Variants in CCSER1 observed in about 807,000 individuals in gnomAD.
CCSER1 encodes serine-rich coiled-coil domain-containing protein 1.
In CCSER1, 41 loss-of-function variants were observed where a neutral mutation model predicts 82.0. The observed-to-expected ratio is 0.50, with a 90% CI of 0.39 to 0.65. The LOEUF is 0.65. CCSER1 is among the 30% of genes least tolerant of loss of function. The probability of loss-of-function intolerance (pLI) is 0.00; values close to 1 mark genes in which losing one functional copy is unlikely to be tolerated. For synonymous variants in CCSER1, 414 were observed against 383.9 expected (o/e 1.08, Z -0.92); for missense variants, 1,119 against 1,064.2 (o/e 1.05, Z -0.72).
chr4:91,528,874 T>C (rs1172910376), intron 10 of CCSER1, among the ~76,000 whole-genome samples: 1 of 152,172 alleles, frequency 6.6e-6, no homozygotes, highest in East Asian at 1.9e-4. Flanking sequence ...GGGTATAAAA[T>C]ACTACATACA....
chr4:91,093,621 C>G (rs1405735852), intron 10 of CCSER1, among the ~76,000 whole-genome samples: 1 of 152,224 alleles, frequency 6.6e-6, no homozygotes, highest in Non-Finnish European at 1.5e-5. Flanking sequence ...GAAGCTCCGT[C>G]TAGCTGTTTT....
At chr4:90,482,794 A>C (rs185193284) in intron 5 of CCSER1, among the ~76,000 whole-genome samples, 2,191 of 152,270 alleles carry the variant, frequency 0.014, 32 homozygotes, top group African/African-American at 0.043. Context: ...ACTTCCAAGT[A>C]TGTGGTCAGT....
intron 10 of CCSER1, among the ~76,000 whole-genome samples, chr4:91,139,956 A>T (rs1257510751): frequency 1.3e-5 from 2 of 152,174 alleles, no homozygotes; most frequent in African/African-American, 4.8e-5. Context: ...ACTGAGGAGA[A>T]ATTACATGTA....
intron 10 of CCSER1, among the ~76,000 whole-genome samples, chr4:91,274,848 G>A (rs1742293416): frequency 6.6e-6 from 1 of 152,166 alleles, no homozygotes; most frequent in African/African-American, 2.4e-5. Context: ...GCTCATGCCT[G>A]TAATCCCAGC....
At chr4:91,247,726 G>T (rs1023199192) in intron 10 of CCSER1, among the ~76,000 whole-genome samples, 1 of 152,098 alleles carries the variant, frequency 6.6e-6, no homozygotes, top group Admixed American at 6.6e-5. Context: ...AAAATTAGCC[G>T]GGTGTGGTGG....
chr4:90,930,922 A>ATG (rs1729685878), intron 9 of CCSER1, among the ~76,000 whole-genome samples: 1 of 132,684 alleles, frequency 7.5e-6, no homozygotes, highest in Admixed American at 7.7e-5. Context: ...ATATATATAT[A>ATG]TATATATATA....
At chr4:91,471,955 G>C (rs1757297183) in intron 10 of CCSER1, among the ~76,000 whole-genome samples, 1 of 116,704 alleles carries the variant, frequency 8.6e-6, no homozygotes, top group South Asian at 2.7e-4. Context: ...GGGCGACAGA[G>C]CGACACTCCA....
At position 90,312,927 on chromosome 4, in the gene CCSER1, G is replaced by A. The variant is rs767953601; in HGVS notation, c.1389G>A (p.Ser463=). 5.0e-6 allele frequency: 8 copies of A among 1,587,708 alleles called. No homozygotes were observed. The highest frequency in any genetic ancestry group is 2.3e-5 in the South Asian group (2 of 87,066). The change falls in exon 3 of 11, where the codon TCG becomes TCA. Residue 463 remains serine (S), a synonymous_variant. Coordinates refer to ENST00000509176, the MANE Select transcript of CCSER1 (RefSeq NM_001145065.2). ...TTATAGAGAGGAGACTGCGATCCTCGTCAGAAGGCACTGCAGGGAGTAGCA... is the reference window on the plus strand; with the variant it reads ...TTATAGAGAGGAGACTGCGATCCTCATCAGAAGGCACTGCAGGGAGTAGCA... ...GRFIERRLRS[S]SEGTAGSSRM...
chr4:91,166,614 T>A (rs9991847), intron 10 of CCSER1, among the ~76,000 whole-genome samples: 110,451 of 152,102 alleles, frequency 0.73, 40,405 homozygotes, highest in Non-Finnish European at 0.78. Flanking sequence ...GTTTTTATAT[T>A]TCAGAATAAT....
At chr4:90,460,324 C>CAAAA (rs751331396) in intron 4 of CCSER1, among the ~76,000 whole-genome samples, 7 of 32,608 alleles carry the variant, frequency 2.1e-4, no homozygotes, top group East Asian at 1.1e-3. Flanking sequence ...AACTCCGTCT[C>CAAAA]AAAAAAAAAA....
At chr4:90,735,239 G>A (rs1328767677) in intron 7 of CCSER1, among the ~76,000 whole-genome samples, 5 of 152,018 alleles carry the variant, frequency 3.3e-5, no homozygotes, top group African/African-American at 9.7e-5. Context: ...GTGTTGTTGA[G>A]TATATTTGCA....
chr4:90,527,275 A>T (rs999192321), intron 5 of CCSER1, among the ~76,000 whole-genome samples: 1 of 152,162 alleles, frequency 6.6e-6, no homozygotes, highest in African/African-American at 2.4e-5. Flanking sequence ...CCATCAAAAA[A>T]TGGGCAAAGG....
At position 90,328,326 on chromosome 4, in the gene CCSER1, A is replaced by G. The variant is rs114769725; in HGVS notation, c.1509+15279A>G. Reference sequence around the variant, plus strand: ...TGCAGTGATTTTGCCCTAATAGTTAATGGATTCTCTCCTTTTTTTTTTGAT... The same window carrying G: ...TGCAGTGATTTTGCCCTAATAGTTAGTGGATTCTCTCCTTTTTTTTTTGAT... On this transcript the variant is annotated intron_variant, in intron 3 of 10. Transcript: ENST00000509176. Among the ~76,000 whole-genome samples the G allele has an allele frequency of 5.4e-3, 599 of 111,010 alleles. 4 individuals carry two copies. The highest frequency in any genetic ancestry group is 0.026 in the African/African-American group (575 of 22,186). The allele number at this position is 111,010 out of a possible 152,430, so 72.8% of individuals were successfully genotyped here.
chr4:90,336,834 T>C (rs11943083), intron 3 of CCSER1, among the ~76,000 whole-genome samples: 47,162 of 152,076 alleles, frequency 0.31, 8,192 homozygotes, highest in African/African-American at 0.46. Flanking sequence ...CAATTTATAA[T>C]AAATATACTC....
At chr4:91,178,724 G>T (rs1733672918) in intron 10 of CCSER1, among the ~76,000 whole-genome samples, 1 of 152,080 alleles carries the variant, frequency 6.6e-6, no homozygotes, top group South Asian at 2.1e-4. Context: ...TGGGTCTCCT[G>T]TATACAGCTC....
intron 7 of CCSER1, among the ~76,000 whole-genome samples, chr4:90,776,685 T>C (rs1366210268): frequency 6.6e-6 from 1 of 152,248 alleles, no homozygotes; most frequent in African/African-American, 2.4e-5. Flanking sequence ...ACGTTAGTGT[T>C]CACCATATAG....
intron 10 of CCSER1, among the ~76,000 whole-genome samples, chr4:91,244,156 G>A (rs1212499918): frequency 6.6e-6 from 1 of 152,210 alleles, no homozygotes; most frequent in African/African-American, 2.4e-5. Context: ...TTTGGTGATG[G>A]CCCCAAAGAG....
At chr4:90,591,667 C>T (rs758108071) in intron 5 of CCSER1, among the ~76,000 whole-genome samples, 18 of 152,076 alleles carry the variant, frequency 1.2e-4, no homozygotes, top group African/African-American at 2.2e-4. Context: ...CATTTGACTC[C>T]GCAATCCCAT....
At chr4:90,895,552 G>A (rs1425708908) in intron 8 of CCSER1, among the ~76,000 whole-genome samples, 1 of 151,856 alleles carries the variant, frequency 6.6e-6, no homozygotes, top group Admixed American at 6.6e-5. Context: ...GTAATTGCAG[G>A]AATCAAACTA....
Sources: gnomAD v4.1 joint callset for allele counts (sites outside exome capture counted in the v4.1 genomes callset) on GRCh38, gnomAD v4.1.1 for gene constraint, MANE v1.5 for transcripts, NCBI Gene and HGNC (gene_info 2026-07-23, HGNC 2026-07-21) for gene names.